The following RPS6KA2 variants were observed in gnomAD, a reference collection of about 807,000 sequenced individuals.
The protein encoded by RPS6KA2 is ribosomal protein S6 kinase A2, also known as ribosomal protein S6 kinase alpha-2.
In RPS6KA2, 42 loss-of-function variants were observed where a neutral mutation model predicts 91.8. The ratio of observed to expected loss-of-function variants is 0.46; its 90% CI spans 0.36 to 0.59. The LOEUF (loss-of-function observed/expected upper bound fraction) is 0.59. RPS6KA2 is among the 20% of genes least tolerant of loss of function. The pLI is 0.00. For missense variants in RPS6KA2, 798 were observed against 978.5 expected, an observed-to-expected ratio of 0.82 and a Z score of 2.46; for synonymous variants, 414 against 393.6, an observed-to-expected ratio of 1.05 and a Z score of -0.61.
intron 2 of RPS6KA2, among the ~76,000 whole-genome samples, chr6:166,667,932 C>T (rs1295057044): frequency 2.6e-5 from 4 of 152,190 alleles, no homozygotes; most frequent in African/African-American, 7.2e-5. Flanking sequence ...CTGCCTGCGT[C>T]GTTGGTAGAA....
In RPS6KA2 at chr6:166,486,486, C is replaced by T. The variant is rs188928857; in HGVS notation, c.907+2347G>A. On this transcript the variant is annotated intron_variant, in intron 10 of 20. Transcript: ENST00000265678. ...CACAGCACTGTTGGTGAATACCCCT[C>T]TAAGGAAGCTGCCTCTGTCTGGGTG... Among the ~76,000 whole-genome samples, 46 of 152,364 alleles carry T rather than the reference C, an allele frequency of 3.0e-4. No individual in the cohort carries two copies. In the East Asian group the frequency reaches 7.5e-3, roughly 25 times the overall value.
intron 8 of RPS6KA2, among the ~76,000 whole-genome samples, chr6:166,491,067 C>T (rs1306065406): frequency 6.6e-6 from 1 of 152,198 alleles, no homozygotes; most frequent in African/African-American, 2.4e-5. Context: ...ACACATCTTA[C>T]ACGCGGTTTA....
chr6:166,813,322 T>C (rs1779686926), intron 2 of RPS6KA2, among the ~76,000 whole-genome samples: 1 of 152,180 alleles, frequency 6.6e-6, no homozygotes. Context: ...GTTGCTTCCA[T>C]GTGGAGCTCC....
chr6:166,599,345 A>G (rs1785649662), intron 1 of RPS6KA2, among the ~76,000 whole-genome samples: 1 of 152,212 alleles, frequency 6.6e-6, no homozygotes, highest in Non-Finnish European at 1.5e-5. Flanking sequence ...TGTGGGGAAA[A>G]TGGTAAACAG....
chr6:166,725,162 G>A (rs1197039078), intron 2 of RPS6KA2, among the ~76,000 whole-genome samples: 1 of 151,656 alleles, frequency 6.6e-6, no homozygotes, highest in African/African-American at 2.4e-5. Flanking sequence ...TTTATCCCTT[G>A]GTTTCCTGGA....
intron 1 of RPS6KA2, among the ~76,000 whole-genome samples, chr6:166,600,177 T>C (rs939858936): frequency 3.3e-5 from 5 of 152,056 alleles, no homozygotes; most frequent in Admixed American, 2.6e-4. Context: ...CCTGGCTAAT[T>C]TATTTTTGTT....
intron 11 of RPS6KA2, chr6:166,463,422 G>T (rs1398498657): frequency 1.3e-5 from 2 of 152,198 alleles, no homozygotes; most frequent in East Asian, 1.9e-4. Flanking sequence ...GAGAGAAAAT[G>T]CAGTCTCATG....
chr6:166,664,950 A>G (rs1411879954), intron 2 of RPS6KA2, among the ~76,000 whole-genome samples: 1 of 152,182 alleles, frequency 6.6e-6, no homozygotes, highest in Non-Finnish European at 1.5e-5. Context: ...TGAGGATAAG[A>G]GAAAACAAGT....
chr6:166,614,834 G>A (rs997608278), intron 1 of RPS6KA2, among the ~76,000 whole-genome samples: 4 of 152,060 alleles, frequency 2.6e-5, no homozygotes, highest in Non-Finnish European at 4.4e-5. Context: ...CTCCTCTCAC[G>A]AGGACTCTTG....
At position 166,469,913 on chromosome 6, in the gene RPS6KA2, C is replaced by T; in HGVS notation, c.908-8G>A. The T allele has an allele frequency of 6.2e-7, 1 of 1,612,932 alleles. No homozygotes were observed. Among genetic ancestry groups the T allele is most frequent in the Non-Finnish European group, 8.5e-7 (1 of 1,178,842 alleles). ...CTCCGTCAATGCCAGCACCTGTCAA[C>T]AACACAGAAATGATCATCAGAACAA... On this transcript the variant is annotated splice_region_variant and splice_polypyrimidine_tract_variant and intron_variant, in intron 10 of 20. Coordinates refer to ENST00000265678, the MANE Select transcript of RPS6KA2 (RefSeq NM_021135.6).
At chr6:166,556,802 A>C (rs1309358763) in intron 1 of RPS6KA2, among the ~76,000 whole-genome samples, 1 of 152,230 alleles carries the variant, frequency 6.6e-6, no homozygotes. Flanking sequence ...GCCTTCCAGT[A>C]AGCTCCACCA....
chr6:166,755,271 T>C (rs1429303395), intron 2 of RPS6KA2, among the ~76,000 whole-genome samples: 1 of 152,030 alleles, frequency 6.6e-6, no homozygotes, highest in Non-Finnish European at 1.5e-5. Flanking sequence ...TTTCTCTGCT[T>C]TCCGTTTTAG....
chr6:166,578,725 C>T lies in RPS6KA2; in HGVS notation c.100-39941G>A, dbSNP rs976161068. 1.3e-4 allele frequency among the ~76,000 whole-genome samples: 20 copies of T among 152,280 alleles called. 1 individual carries two copies. The highest frequency in any genetic ancestry group is 5.8e-4 in the East Asian group (3 of 5,180). On this transcript the variant is annotated intron_variant, in intron 1 of 20. Transcript: ENST00000265678. ...CAGCAGGGCTGCTCACAGGAGTCAC[C>T]GTGCCAGGATCACTGTGCTGGAGCA...
At chr6:166,692,984 C>T (rs770133978) in intron 2 of RPS6KA2, among the ~76,000 whole-genome samples, 7 of 152,212 alleles carry the variant, frequency 4.6e-5, no homozygotes, top group Admixed American at 2.0e-4. Flanking sequence ...AATTGTCACT[C>T]GGGATCATCC....
At chr6:166,625,700 C>T (rs995483661) in intron 1 of RPS6KA2, among the ~76,000 whole-genome samples, 3 of 152,174 alleles carry the variant, frequency 2.0e-5, no homozygotes, top group Admixed American at 2.0e-4. Flanking sequence ...TGATTTGCCT[C>T]ACTGGTGTGC....
In RPS6KA2 at chr6:166,437,384, A is replaced by G. The variant is rs576674093; in HGVS notation, c.1333-4894T>C. Among the ~76,000 whole-genome samples the G allele has an allele frequency of 5.5e-4, 84 of 152,350 alleles. No homozygotes were observed. Among genetic ancestry groups the G allele is most frequent in the African/African-American group, 1.9e-3 (81 of 41,584 alleles). On this transcript the variant is annotated intron_variant, in intron 14 of 20. Transcript: ENST00000265678. This position sits in a 1 kb window ranked among gnomAD's most constrained non-coding sequence, Gnocchi z 4.3. ...AACAAAACAGGGAGGCCTTCTCAGC[A>G]AGCGTGGTGATGAACAAGGCCTCCC...
At chr6:166,427,036 G>C (rs1249680471) in intron 16 of RPS6KA2, among the ~76,000 whole-genome samples, 1 of 152,020 alleles carries the variant, frequency 6.6e-6, no homozygotes, top group Admixed American at 6.5e-5. Context: ...GATGAACATT[G>C]ATGCAAAAAT....
intron 2 of RPS6KA2, among the ~76,000 whole-genome samples, chr6:166,670,752 A>T (rs1322030883): frequency 6.6e-6 from 1 of 152,232 alleles, no homozygotes; most frequent in Non-Finnish European, 1.5e-5. Context: ...CCTACAGATG[A>T]TGGGAGTTTC....
intron 2 of RPS6KA2, among the ~76,000 whole-genome samples, chr6:166,746,412 G>C (rs1303177201): frequency 6.6e-6 from 1 of 152,168 alleles, no homozygotes; most frequent in Non-Finnish European, 1.5e-5. Context: ...ACCTATCAAA[G>C]TGTTTATCCT....
Sources: allele counts gnomAD v4.1 joint callset (sites outside exome capture counted in the v4.1 genomes callset), GRCh38; gene constraint gnomAD v4.1.1; non-coding constraint Gnocchi (gnomAD v3.1); transcripts MANE v1.5; gene names NCBI Gene and HGNC (gene_info 2026-07-23, HGNC 2026-07-21).